The following PIEZO2 variants were observed in gnomAD, a reference collection of about 807,000 sequenced individuals.
PIEZO2 encodes piezo type mechanosensitive ion channel component 2.
In PIEZO2, 172 loss-of-function variants were observed where a neutral mutation model predicts 337.3. The ratio of observed to expected loss-of-function variants is 0.51; its 90% CI spans 0.45 to 0.58. PIEZO2 has a LOEUF of 0.58. Ranked by LOEUF, PIEZO2 falls within the 20% of genes least tolerant of loss-of-function variation. The probability of loss-of-function intolerance (pLI) is 0.00; values close to 1 mark genes in which losing one functional copy is unlikely to be tolerated. For synonymous variants in PIEZO2, 1,251 were observed against 1,228.5 expected, an observed-to-expected ratio of 1.02 and a Z score of -0.38; for missense variants, 3,028 against 3,391.3, an observed-to-expected ratio of 0.89 and a Z score of 2.66.
chr18:10,992,611 T>C (rs893950101), intron 2 of PIEZO2, among the ~76,000 whole-genome samples: 1 of 152,218 alleles, frequency 6.6e-6, no homozygotes, highest in Non-Finnish European at 1.5e-5. Context: ...ACCACTGCCA[T>C]GCTGTTTTGG....
At chr18:10,725,592 C>T in intron 36 of PIEZO2, 1 of 1,345,584 alleles carries the variant, frequency 7.4e-7, no homozygotes, top group Non-Finnish European at 1.0e-6. Context: ...GGGGCTTTCC[C>T]TTCCTGAGCA....
chr18:10,939,079 C>CAAA (rs113892869), intron 3 of PIEZO2, among the ~76,000 whole-genome samples: 1,472 of 111,016 alleles, frequency 0.013, 19 homozygotes, highest in African/African-American at 0.039. Flanking sequence ...AAAAACAAAA[C>CAAA]AAAAAAAAAA....
intron 13 of PIEZO2, among the ~76,000 whole-genome samples, chr18:10,792,729 T>A (rs2039445404): frequency 6.6e-6 from 1 of 152,232 alleles, no homozygotes; most frequent in African/African-American, 2.4e-5. Flanking sequence ...AATGCTGCTA[T>A]GAACATTCAC....
rs1300613590 is a variant in PIEZO2, at chr18:11,129,686, C to G, written c.64+18839G>C. ...CAGTGAATCTTTCTCCCATTCTTCC[C>G]CAAGGAGACCTCCAGACTTTTACCA... On this transcript the variant is annotated intron_variant, in intron 1 of 55. Coordinates refer to ENST00000674853, the MANE Select transcript of PIEZO2 (RefSeq NM_001378183.1). The surrounding 1 kb of genome is among the most constrained non-coding windows in gnomAD (Gnocchi z 4.6). 6.6e-6 allele frequency among the ~76,000 whole-genome samples: 1 copy of G among 152,076 alleles called. No individual in the cohort carries two copies. The highest frequency in any genetic ancestry group is 1.5e-5 in the Non-Finnish European group (1 of 68,030).
intron 1 of PIEZO2, among the ~76,000 whole-genome samples, chr18:11,119,502 A>G (rs2039977249): frequency 6.6e-6 from 1 of 152,238 alleles, no homozygotes; most frequent in African/African-American, 2.4e-5. Flanking sequence ...ATCAATTGAT[A>G]ACTGCCCTTG....
intron 4 of PIEZO2, among the ~76,000 whole-genome samples, chr18:10,896,441 T>C (rs1235320772): frequency 6.6e-6 from 1 of 152,186 alleles, no homozygotes; most frequent in Non-Finnish European, 1.5e-5. Flanking sequence ...TTACACTCAG[T>C]CCAATATGGA....
In PIEZO2 at chr18:10,704,581, A is replaced by C. The variant is rs2035488564; in HGVS notation, c.6071T>G (p.Phe2024Cys). The change falls in exon 42 of 56, where the codon TTC (phenylalanine) becomes TGC (cysteine). Residue 2024 changes from phenylalanine to cysteine, a missense_variant. Coordinates refer to ENST00000674853, the MANE Select transcript of PIEZO2 (RefSeq NM_001378183.1). ...CACCAGGGTATTGTACATGGCATAG[A>C]AGAGCAGCAGAAATCGGGGCTGCCC... ...YVGQPRFLLL[F>C]YAMYNTLVAR... 3.9e-6 allele frequency: 6 copies of C among 1,537,294 alleles called. No homozygotes were observed. The highest frequency in any genetic ancestry group is 5.2e-6 in the Non-Finnish European group (6 of 1,146,912).
chr18:10,959,105 C>CTGAATCTGA (rs2033661199), intron 3 of PIEZO2, among the ~76,000 whole-genome samples: 1 of 152,106 alleles, frequency 6.6e-6, no homozygotes, highest in Non-Finnish European at 1.5e-5. Context: ...TTCAGTCTTA[C>CTGAATCTGA]AACTGAAATG....
chr18:10,690,807 G>T (rs947270021), intron 48 of PIEZO2, among the ~76,000 whole-genome samples: 3 of 152,178 alleles, frequency 2.0e-5, no homozygotes, highest in Non-Finnish European at 2.9e-5. Context: ...CAGAAAGAAT[G>T]CTCCTTTTCA....
Position 10,828,360 on chromosome 18 carries a change from G to A in PIEZO2, c.918-21086C>T, listed in dbSNP as rs577133253. Among the ~76,000 whole-genome samples, 6 of 152,170 alleles carry A rather than the reference G, an allele frequency of 3.9e-5. No homozygotes were observed. The South Asian group carries it at 8.3e-4, about 21-fold the overall frequency. On this transcript the variant is annotated intron_variant, in intron 7 of 55. Transcript: ENST00000674853. This position sits in a 1 kb window ranked among gnomAD's most constrained non-coding sequence, Gnocchi z 4.1. Reference sequence around the variant, plus strand: ...CTAACTAACCTGGACATCAGACAACGAACCTCTTCAGAATGAGAAATGGAG... The same window carrying A: ...CTAACTAACCTGGACATCAGACAACAAACCTCTTCAGAATGAGAAATGGAG...
At chr18:10,840,744 A>T (rs1598564836) in intron 7 of PIEZO2, among the ~76,000 whole-genome samples, 1 of 152,352 alleles carries the variant, frequency 6.6e-6, no homozygotes, top group African/African-American at 2.4e-5. Context: ...TGGATCTGCT[A>T]TATGAACTAG....
intron 33 of PIEZO2, chr18:10,738,259 G>T (rs1419869148): frequency 6.6e-6 from 1 of 152,156 alleles, no homozygotes; most frequent in Non-Finnish European, 1.5e-5. Context: ...TACATCACGT[G>T]GTCGTTTGGG....
rs1193209796 is a variant in PIEZO2, at chr18:10,847,709, C to G, written c.917+7644G>C. ...TCAATTTCTCTTGGGGCACCTAACT[C>G]TACCTTTCAGATAAGCATAAATGAA... On this transcript the variant is annotated intron_variant, in intron 7 of 55. Coordinates refer to ENST00000674853, the MANE Select transcript of PIEZO2 (RefSeq NM_001378183.1). The surrounding 1 kb of genome is among the most constrained non-coding windows in gnomAD (Gnocchi z 5.7). Among the ~76,000 whole-genome samples, 1 of 152,182 alleles carries G rather than the reference C, an allele frequency of 6.6e-6. No individual in the cohort carries two copies. Among genetic ancestry groups the G allele is most frequent in the Non-Finnish European group, 1.5e-5 (1 of 68,026 alleles).
intron 7 of PIEZO2, among the ~76,000 whole-genome samples, chr18:10,825,794 GC>G (rs2040658173): frequency 6.6e-6 from 1 of 151,672 alleles, no homozygotes; most frequent in Admixed American, 6.6e-5. Context: ...CAGGTGATCT[GC>G]CTGCCTCAGC....
At chr18:11,044,907 G>A (rs959096847) in intron 2 of PIEZO2, among the ~76,000 whole-genome samples, 5 of 152,126 alleles carry the variant, frequency 3.3e-5, no homozygotes, top group African/African-American at 1.2e-4. Flanking sequence ...CCAGCACTTT[G>A]GGAGGCCAAG....
Position 11,003,623 on chromosome 18 carries a change from G to T in PIEZO2, c.161-23963C>A, listed in dbSNP as rs112419706. Among the ~76,000 whole-genome samples the T allele has an allele frequency of 1.3e-5, 2 of 152,182 alleles. No individual in the cohort carries two copies. Among genetic ancestry groups the T allele is most frequent in the Non-Finnish European group, 2.9e-5 (2 of 68,034 alleles). On this transcript the variant is annotated intron_variant, in intron 2 of 55. Transcript: ENST00000674853. This position sits in a 1 kb window ranked among gnomAD's most constrained non-coding sequence, Gnocchi z 4.6. ...AACCTGGAAGTTCAGGGCACCAGGCGGGCATCAGGCGGGCACCAGCCCTAG... is the reference window on the plus strand; with the variant it reads ...AACCTGGAAGTTCAGGGCACCAGGCTGGCATCAGGCGGGCACCAGCCCTAG...
At chr18:10,777,847 A>G (rs1568045735) in intron 18 of PIEZO2, among the ~76,000 whole-genome samples, 1 of 152,226 alleles carries the variant, frequency 6.6e-6, no homozygotes, top group East Asian at 1.9e-4. Context: ...TATTATCTAG[A>G]ACTCAAAAGC....
chr18:11,004,319 G>A (rs886215731), intron 2 of PIEZO2, among the ~76,000 whole-genome samples: 1 of 152,170 alleles, frequency 6.6e-6, no homozygotes, highest in South Asian at 2.1e-4. Flanking sequence ...TTCCAGATTG[G>A]GGGCTTGGCC....
At position 10,846,787 on chromosome 18, in the gene PIEZO2, A is replaced by G. The variant is rs1024324447; in HGVS notation, c.917+8566T>C. ...TAAGGGACAAACAGGAGCCAGTGAGAGCAGTGAGCAGGAGATTTCCAGCAA... is the reference window on the plus strand; with the variant it reads ...TAAGGGACAAACAGGAGCCAGTGAGGGCAGTGAGCAGGAGATTTCCAGCAA... On this transcript the variant is annotated intron_variant, in intron 7 of 55. Transcript: ENST00000674853. This position sits in a 1 kb window ranked among gnomAD's most constrained non-coding sequence, Gnocchi z 4.1. Among the ~76,000 whole-genome samples, 1 of 152,192 alleles carries G rather than the reference A, an allele frequency of 6.6e-6. No individual in the cohort carries two copies. The highest frequency in any genetic ancestry group is 2.4e-5 in the African/African-American group (1 of 41,436).
Sources: gnomAD v4.1 joint callset for allele counts (sites outside exome capture counted in the v4.1 genomes callset) on GRCh38, gnomAD v4.1.1 for gene constraint, Gnocchi (gnomAD v3.1) non-coding constraint, MANE v1.5 for transcripts, NCBI Gene and HGNC (gene_info 2026-07-23, HGNC 2026-07-21) for gene names.